The following PTPN11 variants were observed in gnomAD, a reference collection of about 807,000 sequenced individuals.
PTPN11 encodes tyrosine-protein phosphatase non-receptor type 11.
In PTPN11, 6 loss-of-function variants were observed where a neutral mutation model predicts 78.8. The ratio of observed to expected loss-of-function variants is 0.08; its 90% confidence interval spans 0.04 to 0.15. The LOEUF is 0.15. Ranked by LOEUF, PTPN11 falls within the 10% of genes least tolerant of loss-of-function variation. PTPN11 has a pLI of 1.00. For missense variants in PTPN11, 386 were observed against 744.8 expected, an observed-to-expected ratio of 0.52 and a Z score of 5.61; for synonymous variants, 221 against 263.5, an observed-to-expected ratio of 0.84 and a Z score of 1.56.
In PTPN11 at chr12:112,502,263, A is replaced by G; in HGVS notation, c.1712+7A>G. 4 of 1,605,514 alleles carry G rather than the reference A, an allele frequency of 2.5e-6. No individual in the cohort carries two copies. The highest frequency in any genetic ancestry group is 3.4e-6 in the Non-Finnish European group (4 of 1,172,192). On this transcript the variant is annotated splice_region_variant and intron_variant, in intron 14 of 15. Coordinates refer to ENST00000351677, the MANE Select transcript of PTPN11 (RefSeq NM_002834.5). ...CAACGCCACCCTGTGCAGAGTAAGT[A>G]GTGCTGAAGGAAATTCTTTTTACCT...
chr12:112,439,153 G>A (rs1380047507), intron 1 of PTPN11, among the ~76,000 whole-genome samples: 1 of 152,172 alleles, frequency 6.6e-6, no homozygotes, highest in Non-Finnish European at 1.5e-5. Flanking sequence ...GTCACAGAGA[G>A]CTGGGCTTCA....
intron 1 of PTPN11, among the ~76,000 whole-genome samples, chr12:112,437,542 A>G (rs545439798): frequency 1.3e-5 from 2 of 152,114 alleles, no homozygotes; most frequent in African/African-American, 4.8e-5. Flanking sequence ...GTGGTATTGG[A>G]TTCTTTTATA....
rs971074181 is a variant in PTPN11 at position 112,507,992 on chromosome 12, C to T, written c.*2200C>T. 2 of 152,730 alleles carry T rather than the reference C, an allele frequency of 1.3e-5. No homozygotes were observed. Among genetic ancestry groups the T allele is most frequent in the African/African-American group, 4.8e-5 (2 of 41,562 alleles). 9.5% of individuals were successfully genotyped at this position (152,730 alleles called of 1,614,324 possible). A position where few individuals can be genotyped will look rare whatever the true frequency, so the allele number is the denominator to read the frequency against. On this transcript the variant is annotated 3_prime_UTR_variant, in exon 16 of 16. Coordinates refer to ENST00000351677, the MANE Select transcript of PTPN11 (RefSeq NM_002834.5). ...GAAGCTTGAATGCTGTTCTTTTTAT[C>T]GCATTGTTACATCGACTCATTCTCC...
chr12:112,493,882 T>C (rs906891119), intron 13 of PTPN11, among the ~76,000 whole-genome samples: 1 of 152,172 alleles, frequency 6.6e-6, no homozygotes, highest in African/African-American at 2.4e-5. Flanking sequence ...ACAAATGAGA[T>C]CAGGCAGTGA....
At chr12:112,453,171 T>G in intron 3 of PTPN11, 24 bp from the exon 4 acceptor site, 1 of 1,597,418 alleles carries the variant, frequency 6.3e-7, no homozygotes, top group Non-Finnish European at 8.6e-7. Context: ...AGCTAAATTC[T>G]TTTTTATTTT....
intron 1 of PTPN11, among the ~76,000 whole-genome samples, chr12:112,438,220 T>C (rs1291705107): frequency 6.6e-6 from 1 of 152,124 alleles, no homozygotes; most frequent in Non-Finnish European, 1.5e-5. Context: ...CTCACTGACG[T>C]TTGGTATATT....
rs1233528572 is a variant in PTPN11, at chr12:112,509,314, G to A, written c.*3522G>A. 1 of 152,410 alleles carries A rather than the reference G, an allele frequency of 6.6e-6. No individual in the cohort carries two copies. The highest frequency in any genetic ancestry group is 1.5e-5 in the Non-Finnish European group (1 of 68,038). The allele number at this position is 152,410 out of a possible 1,614,324, so 9.4% of individuals were successfully genotyped here. On this transcript the variant is annotated 3_prime_UTR_variant, in exon 16 of 16. Transcript: ENST00000351677. ...CACACAAGGCAAAAACTATTGAACA[G>A]TTGGTTTTAGTGTGTTGTATAACTT...
chr12:112,434,143 A>G (rs1166035499), intron 1 of PTPN11, among the ~76,000 whole-genome samples: 3 of 151,790 alleles, frequency 2.0e-5, no homozygotes, highest in Non-Finnish European at 4.4e-5. Context: ...AGTTGGGCAT[A>G]GTGGTGCATT....
At chr12:112,457,798 C>T (rs1001857877) in intron 6 of PTPN11, among the ~76,000 whole-genome samples, 1 of 152,222 alleles carries the variant, frequency 6.6e-6, no homozygotes, top group African/African-American at 2.4e-5. Context: ...TACCCATTGA[C>T]AATGTGATCT....
At chr12:112,421,428 C>T (rs1456404871) in intron 1 of PTPN11, among the ~76,000 whole-genome samples, 2 of 152,096 alleles carry the variant, frequency 1.3e-5, no homozygotes, top group Non-Finnish European at 2.9e-5. Flanking sequence ...CACTATTCTG[C>T]TTTCTGTCAC....
chr12:112,507,226 AAGTC>A lies in PTPN11; in HGVS notation c.*1437_*1440del, dbSNP rs1190696369. The A allele has an allele frequency of 6.6e-6, 1 of 152,644 alleles. No homozygotes were observed. The highest frequency in any genetic ancestry group is 6.5e-5 in the Admixed American group (1 of 15,300). The allele number at this position is 152,644 out of a possible 1,614,324, so 9.5% of individuals were successfully genotyped here. A position where few individuals can be genotyped will look rare whatever the true frequency, so the allele number is the denominator to read the frequency against. On this transcript the variant is annotated 3_prime_UTR_variant, in exon 16 of 16. Transcript: ENST00000351677. ...GCTTACAGTAGCTGGGACAAGCTGA[AAGTC>A]AGACTAAGAAATAAAGAGAGGGCCT...
At chr12:112,463,856 C>A (rs1020466701) in intron 6 of PTPN11, among the ~76,000 whole-genome samples, 1 of 152,256 alleles carries the variant, frequency 6.6e-6, no homozygotes, top group South Asian at 2.1e-4. Context: ...CTCCTATATA[C>A]CTGCTTCTCA....
At chr12:112,427,742 T>A (rs2037643688) in intron 1 of PTPN11, among the ~76,000 whole-genome samples, 1 of 151,658 alleles carries the variant, frequency 6.6e-6, no homozygotes, top group African/African-American at 2.4e-5. Context: ...TGTTTTTTTA[T>A]TTTTATTTTT....
Position 112,426,949 on chromosome 12 carries a change from TA to T in PTPN11, c.14+7827del, listed in dbSNP as rs1251623231. On this transcript the variant is annotated intron_variant, in intron 1 of 15. Coordinates refer to ENST00000351677, the MANE Select transcript of PTPN11 (RefSeq NM_002834.5). ...ACTGCACCTGGCCAGCGATCCTTAATAAATATAGATAATGGCCGGGCGTGGT... is the reference window on the plus strand; with the variant it reads ...ACTGCACCTGGCCAGCGATCCTTAATAATATAGATAATGGCCGGGCGTGGT... Among the ~76,000 whole-genome samples the T allele has an allele frequency of 2.6e-5, 4 of 152,196 alleles. No homozygotes were observed. In the East Asian group the frequency reaches 7.7e-4, roughly 29 times the overall value.
rs2038618532 is a variant in PTPN11, at chr12:112,482,906, C to T, written c.1224+701C>T. 6.6e-6 allele frequency among the ~76,000 whole-genome samples: 1 copy of T among 152,092 alleles called. No individual in the cohort carries two copies. Among genetic ancestry groups the T allele is most frequent in the African/African-American group, 2.4e-5 (1 of 41,426 alleles). On this transcript the variant is annotated intron_variant, in intron 10 of 15. Transcript: ENST00000351677. The surrounding 1 kb of genome is among the most constrained non-coding windows in gnomAD (Gnocchi z 4.4). The stretch of plus-strand genomic sequence containing the variant: ...GATGTGGGCAGTGATTTGTTTTCTT[C>T]TGGATGTGTTCAGCTGGGCATCTGA...
At chr12:112,460,647 T>A (rs1592835032) in intron 6 of PTPN11, among the ~76,000 whole-genome samples, 1 of 151,970 alleles carries the variant, frequency 6.6e-6, no homozygotes, top group Non-Finnish European at 1.5e-5. Flanking sequence ...ATCGAGACCA[T>A]CCTGGCCAAC....
intron 1 of PTPN11, among the ~76,000 whole-genome samples, chr12:112,434,803 T>C (rs2037765084): frequency 6.6e-6 from 1 of 152,086 alleles, no homozygotes; most frequent in Admixed American, 6.6e-5. Flanking sequence ...TTTGTTTTTT[T>C]TGAGACAGAG....
intron 6 of PTPN11, chr12:112,457,480 G>A: frequency 5.7e-6 from 1 of 175,724 alleles, no homozygotes; most frequent in South Asian, 1.0e-4. Context: ...ATAAACATAT[G>A]TGTGCATATG....
At chr12:112,495,764 T>C (rs903243158) in intron 13 of PTPN11, among the ~76,000 whole-genome samples, 4 of 152,212 alleles carry the variant, frequency 2.6e-5, no homozygotes, top group Non-Finnish European at 5.9e-5. Flanking sequence ...TAGCCTACAG[T>C]TGGGCAAAAT....
Sources: allele counts gnomAD v4.1 joint callset (sites outside exome capture counted in the v4.1 genomes callset), GRCh38; gene constraint gnomAD v4.1.1; non-coding constraint Gnocchi (gnomAD v3.1); transcripts MANE v1.5; gene names NCBI Gene and HGNC (gene_info 2026-07-23, HGNC 2026-07-21).